The following LRSAM1 variants were observed in gnomAD, a reference collection of about 807,000 sequenced individuals.
The protein encoded by LRSAM1 is leucine rich repeat and sterile alpha motif containing 1, also known as E3 ubiquitin-protein ligase LRSAM1.
LRSAM1 carries 96 observed loss-of-function variants against 118.1 expected under a neutral mutation model. That is an observed-to-expected ratio of 0.81 (90% confidence interval 0.69 to 0.96). The LOEUF is 0.96. LRSAM1 is among the 40% of genes least tolerant of loss of function. The pLI is 0.00. For missense variants in LRSAM1, 804 were observed against 915.5 expected (o/e 0.88, Z 1.57); for synonymous variants, 322 against 364.2 (o/e 0.88, Z 1.32).
intron 16 of LRSAM1, among the ~76,000 whole-genome samples, chr9:127,485,006 C>T (rs1314823264): frequency 6.6e-6 from 1 of 151,792 alleles, no homozygotes; most frequent in Non-Finnish European, 1.5e-5. Flanking sequence ...CACAGTTTCG[C>T]CATGTTGGCC....
chr9:127,500,140 C>G (rs141353224), intron 24 of LRSAM1, among the ~76,000 whole-genome samples: 322 of 119,990 alleles, frequency 2.7e-3, no homozygotes, highest in African/African-American at 8.8e-3. Context: ...GTGGGCAGAT[C>G]ACCTGAAGTC....
In LRSAM1 at chr9:127,487,768, G is replaced by A. The variant is rs368570954; in HGVS notation, c.1347+5G>A. On this transcript the variant is annotated splice_donor_5th_base_variant and intron_variant, in intron 18 of 25. Transcript: ENST00000300417. The stretch of plus-strand genomic sequence containing the variant: ...ATCAGCCAGATCCTGCAGGAGGTGA[G>A]CCCTCGCCCAGAGCCTGAGGGTGGG... The A allele has an allele frequency of 1.2e-5, 20 of 1,611,150 alleles. No homozygotes were observed. Among genetic ancestry groups the A allele is most frequent in the Middle Eastern group, 1.6e-4 (1 of 6,072 alleles).
chr9:127,464,475 A>T lies in LRSAM1; in HGVS notation c.528+2102A>T, dbSNP rs147473665. ...CATATGTATCTATGGAGCACCTGGA[A>T]TGTGGCTTGTGTGTACAGCCAGGAA... On this transcript the variant is annotated intron_variant, in intron 9 of 25. Transcript: ENST00000300417. Among the ~76,000 whole-genome samples, 486 of 152,260 alleles carry T rather than the reference A, an allele frequency of 3.2e-3. 1 individual carries two copies. The highest frequency in any genetic ancestry group is 0.011 in the African/African-American group (466 of 41,540).
chr9:127,487,365 T>C (rs890337942), intron 17 of LRSAM1: 40 of 367,022 alleles, frequency 1.1e-4, no homozygotes, highest in Non-Finnish European at 1.6e-4. Flanking sequence ...TCCCCACCCA[T>C]GGAGGTGGCT....
chr9:127,468,078 G>C (rs1470571774), intron 10 of LRSAM1, among the ~76,000 whole-genome samples: 2 of 152,220 alleles, frequency 1.3e-5, no homozygotes, highest in African/African-American at 2.4e-5. Flanking sequence ...GCCTGTCTTT[G>C]AGAGTGTGGC....
chr9:127,492,360 C>A (rs1417455149), intron 20 of LRSAM1, among the ~76,000 whole-genome samples: 1 of 152,214 alleles, frequency 6.6e-6, no homozygotes, highest in African/African-American at 2.4e-5. Context: ...TGTGGCAGGG[C>A]TCTGGCTGTT....
chr9:127,483,166 G>A (rs372513813), intron 16 of LRSAM1, 146 bp downstream of exon 16: 4 of 757,940 alleles, frequency 5.3e-6, no homozygotes, highest in Admixed American at 4.3e-5. Context: ...TGGAGCACAG[G>A]CTCTGGGGTC....
At chr9:127,471,429 C>T (rs916891996) in intron 10 of LRSAM1, among the ~76,000 whole-genome samples, 2 of 141,126 alleles carry the variant, frequency 1.4e-5, no homozygotes, top group African/African-American at 5.3e-5. Flanking sequence ...CAAGATTGTG[C>T]CACTGCACTG....
At position 127,462,377 on chromosome 9, in the gene LRSAM1, A is replaced by C; in HGVS notation, c.528+4A>C. 1 of 1,613,688 alleles carries C rather than the reference A, an allele frequency of 6.2e-7. No individual in the cohort carries two copies. The highest frequency in any genetic ancestry group is 8.5e-7 in the Non-Finnish European group (1 of 1,179,804). ...GGCTCACGTTCGAACCCTGGAGGTAAATGGGAAGCTGTTCTTGCCTGGGGT... is the reference window on the plus strand; with the variant it reads ...GGCTCACGTTCGAACCCTGGAGGTACATGGGAAGCTGTTCTTGCCTGGGGT... On this transcript the variant is annotated splice_donor_region_variant and intron_variant, in intron 9 of 25. Coordinates refer to ENST00000300417, the MANE Select transcript of LRSAM1 (RefSeq NM_001005373.4).
At position 127,475,037 on chromosome 9, in the gene LRSAM1, C is replaced by T. The variant is rs376478532; in HGVS notation, c.750+1106C>T. 2.7e-5 allele frequency among the ~76,000 whole-genome samples: 4 copies of T among 145,820 alleles called. 1 individual carries two copies. Among genetic ancestry groups the T allele is most frequent in the African/African-American group, 1.0e-4 (4 of 38,884 alleles). On this transcript the variant is annotated intron_variant, in intron 11 of 25. Transcript: ENST00000300417. ...CCGTTTTCCACTGCTGCTGGGAATGCATTTGGGATTTTATTATTATTATTA... is the reference window on the plus strand; with the variant it reads ...CCGTTTTCCACTGCTGCTGGGAATGTATTTGGGATTTTATTATTATTATTA...
intron 10 of LRSAM1, among the ~76,000 whole-genome samples, chr9:127,469,745 T>C (rs1410098158): frequency 2.0e-5 from 3 of 152,082 alleles, no homozygotes; most frequent in East Asian, 1.9e-4. Context: ...GGGCGGATCA[T>C]GACGTCAGAA....
chr9:127,461,206 C>T lies in LRSAM1; in HGVS notation c.355C>T (p.Leu119Phe). ...CGTGGAAAGGAATCAACTGATGCAG[C>T]TCCCACGTTCCATTGGGAACCTGAC... ...LNVERNQLMQ[L>F]PRSIGNLTQL... The change falls in exon 8 of 26, where the codon CTC becomes TTC. Residue 119 changes from leucine to phenylalanine, a missense_variant. Coordinates refer to ENST00000300417, the MANE Select transcript of LRSAM1 (RefSeq NM_001005373.4). 6.2e-6 allele frequency: 10 copies of T among 1,612,284 alleles called. No homozygotes were observed. Among genetic ancestry groups the T allele is most frequent in the Non-Finnish European group, 8.5e-6 (10 of 1,178,708 alleles).
Position 127,501,086 on chromosome 9 carries a change from T to A in LRSAM1, c.1989T>A (p.Ala663=). The A allele has an allele frequency of 1.2e-6, 2 of 1,613,516 alleles. No homozygotes were observed. Among genetic ancestry groups the A allele is most frequent in the Non-Finnish European group, 8.5e-7 (1 of 1,179,912 alleles). ...QEPPESVRPS[A]PPAELEVQAS... is the part of the protein sequence containing the mutation. ...CTCCTGAGTCTGTGAGGCCATCCGC[T>A]CCCCCTGCAGAGCTGGAGGTGCAGG... The change falls in exon 25 of 26, where the codon GCT becomes GCA. Residue 663 remains alanine, a synonymous_variant. Coordinates refer to ENST00000300417, the MANE Select transcript of LRSAM1 (RefSeq NM_001005373.4).
Position 127,485,853 on chromosome 9 carries a change from A to G in LRSAM1, c.1259+18A>G. 1 of 1,612,696 alleles carries G rather than the reference A, an allele frequency of 6.2e-7. No homozygotes were observed. The highest frequency in any genetic ancestry group is 8.5e-7 in the Non-Finnish European group (1 of 1,178,810). ...TGTTCCAGGTAAGGTAAGGAAGAGG[A>G]GTCCCAGGTGAGGGAGCTGGGGGAG... is the stretch of plus-strand genomic sequence containing the variant. On this transcript the variant is annotated intron_variant, in intron 17 of 25. Transcript: ENST00000300417.
rs1588086889 is a variant in LRSAM1, at chr9:127,451,684, G to A, written c.-189+15G>A. 2.7e-5 allele frequency: 8 copies of A among 298,426 alleles called. No individual in the cohort carries two copies. The East Asian group carries it at 5.1e-4, about 19-fold the overall frequency. 18.5% of individuals were successfully genotyped at this position (298,426 alleles called of 1,614,324 possible). A position where few individuals can be genotyped will look rare whatever the true frequency, so the allele number is the denominator to read the frequency against. On this transcript the variant is annotated intron_variant, in intron 1 of 25. Coordinates refer to ENST00000300417, the MANE Select transcript of LRSAM1 (RefSeq NM_001005373.4). ...ATTCCTTTATCGTGAGTGTCACCCC[G>A]GTCCCCGTCACCCAATCCCAGAGCC...
chr9:127,463,868 T>A (rs571937856), intron 9 of LRSAM1, among the ~76,000 whole-genome samples: 1 of 152,308 alleles, frequency 6.6e-6, no homozygotes, highest in South Asian at 2.1e-4. Flanking sequence ...GTCACAGAAC[T>A]CTTGTGAGGC....
chr9:127,484,810 CTTTTTTT>C (rs1376461812), intron 16 of LRSAM1, among the ~76,000 whole-genome samples: 1 of 135,186 alleles, frequency 7.4e-6, no homozygotes, highest in African/African-American at 2.8e-5. Context: ...TTCTTTTTTT[CTTTTTTT>C]TTTTTTTTTG....
At chr9:127,468,757 C>T (rs1244330212) in intron 10 of LRSAM1, among the ~76,000 whole-genome samples, 1 of 139,150 alleles carries the variant, frequency 7.2e-6, no homozygotes, top group Non-Finnish European at 1.5e-5. Context: ...AGGAGGATCT[C>T]GAGCCCAGGA....
At chr9:127,498,587 G>A in intron 24 of LRSAM1, among the ~76,000 whole-genome samples, 1 of 152,198 alleles carries the variant, frequency 6.6e-6, no homozygotes, top group South Asian at 2.1e-4. Context: ...TGGCCATGAG[G>A]ATCTGTGGCC....
Sources: allele counts gnomAD v4.1 joint callset (sites outside exome capture counted in the v4.1 genomes callset), GRCh38; gene constraint gnomAD v4.1.1; transcripts MANE v1.5; gene names NCBI Gene and HGNC (gene_info 2026-07-23, HGNC 2026-07-21).